The following TPD52L1 variants were observed in gnomAD, a reference collection of about 807,000 sequenced individuals.
TPD52L1 encodes the protein TPD52 like 1, also known as tumor protein D53.
TPD52L1 carries 18 observed loss-of-function variants against 28.7 expected under a neutral mutation model. The ratio of observed to expected loss-of-function variants is 0.63; its 90% CI spans 0.43 to 0.93. The LOEUF (loss-of-function observed/expected upper bound fraction) is 0.93. TPD52L1 is among the 40% of genes least tolerant of loss of function. TPD52L1 has a pLI of 0.00. For missense variants in TPD52L1, 203 were observed against 254.8 expected (o/e 0.80, Z 1.39); for synonymous variants, 75 against 88.8 (o/e 0.84, Z 0.88).
chr6:125,258,506 G>A (rs1797737602), intron 6 of TPD52L1, among the ~76,000 whole-genome samples: 1 of 152,112 alleles, frequency 6.6e-6, no homozygotes, highest in East Asian at 1.9e-4. Flanking sequence ...AGCCTTAGAC[G>A]ACCCAATGAG....
At chr6:125,182,021 C>A (rs375463827) in intron 1 of TPD52L1, among the ~76,000 whole-genome samples, 3 of 152,152 alleles carry the variant, frequency 2.0e-5, no homozygotes, top group Admixed American at 2.0e-4. Context: ...GGCTTCCCCT[C>A]GGATACCTCT....
chr6:125,196,766 G>A (rs1184190994), intron 1 of TPD52L1, among the ~76,000 whole-genome samples: 4 of 152,128 alleles, frequency 2.6e-5, no homozygotes, highest in African/African-American at 7.2e-5. Context: ...TGGTGTCTAC[G>A]GACTTATAAG....
chr6:125,228,925 C>A, intron 2 of TPD52L1, 193 bp from the exon 3 acceptor site: 2 of 412,604 alleles, frequency 4.8e-6, no homozygotes, highest in Non-Finnish European at 4.3e-6. Flanking sequence ...CTTCTATAAT[C>A]ATTAAAATGA....
At chr6:125,176,688 A>C (rs945095877) in intron 1 of TPD52L1, among the ~76,000 whole-genome samples, 4 of 152,234 alleles carry the variant, frequency 2.6e-5, no homozygotes, top group African/African-American at 9.6e-5. Context: ...TAGATGTTAA[A>C]ATTCCGATAA....
chr6:125,176,373 C>T (rs1453255197), intron 1 of TPD52L1, among the ~76,000 whole-genome samples: 1 of 152,152 alleles, frequency 6.6e-6, no homozygotes, highest in Non-Finnish European at 1.5e-5. Context: ...TCCCCAAGTC[C>T]TCACTTATAG....
intron 1 of TPD52L1, among the ~76,000 whole-genome samples, chr6:125,184,955 C>T (rs1027355629): frequency 5.0e-5 from 5 of 99,500 alleles, no homozygotes; most frequent in African/African-American, 2.0e-4. Context: ...TAAAAGCACA[C>T]ATGAGTTGCT....
chr6:125,263,599 A>T lies in TPD52L1; in HGVS notation c.*637A>T, dbSNP rs1187276287. ...CCAGGTGCGGCGGCTCACACCTGTAATCCCAACTATTTTGGATGCCAAGGT... is the reference window on the plus strand; with the variant it reads ...CCAGGTGCGGCGGCTCACACCTGTATTCCCAACTATTTTGGATGCCAAGGT... On this transcript the variant is annotated 3_prime_UTR_variant, in exon 7 of 7. Transcript: ENST00000534000. 6.5e-6 allele frequency: 1 copy of T among 152,738 alleles called. No individual in the cohort carries two copies. The highest frequency in any genetic ancestry group is 1.5e-5 in the Non-Finnish European group (1 of 68,078). 9.5% of individuals were successfully genotyped at this position (152,738 alleles called of 1,614,324 possible).
At chr6:125,172,479 T>G (rs1249286069) in intron 1 of TPD52L1, among the ~76,000 whole-genome samples, 2 of 93,972 alleles carry the variant, frequency 2.1e-5, no homozygotes, top group Non-Finnish European at 1.9e-5. Context: ...TGTGTGTGTG[T>G]TTTTTTTTTA....
intron 2 of TPD52L1, among the ~76,000 whole-genome samples, chr6:125,221,587 A>G (rs3823220): frequency 0.045 from 6,797 of 152,316 alleles, 172 homozygotes; most frequent in East Asian, 0.079. Context: ...ACATACATAC[A>G]TATACTAATA....
chr6:125,253,433 C>A, intron 4 of TPD52L1: 1 of 457,316 alleles, frequency 2.2e-6, no homozygotes, highest in Non-Finnish European at 3.9e-6. Flanking sequence ...CTGGGCTCAC[C>A]TGGGAGAAAC....
chr6:125,234,123 A>C (rs1796112771), intron 3 of TPD52L1, among the ~76,000 whole-genome samples: 1 of 152,254 alleles, frequency 6.6e-6, no homozygotes, highest in African/African-American at 2.4e-5. Flanking sequence ...GACTTAATGC[A>C]TATCAGGTGC....
intron 1 of TPD52L1, among the ~76,000 whole-genome samples, chr6:125,179,509 C>T (rs1025355123): frequency 2.0e-5 from 3 of 152,198 alleles, no homozygotes; most frequent in Non-Finnish European, 4.4e-5. Flanking sequence ...GTTTTCCTTA[C>T]TATTAATGGT....
At chr6:125,228,727 G>A (rs901375881) in intron 2 of TPD52L1, among the ~76,000 whole-genome samples, 2 of 151,994 alleles carry the variant, frequency 1.3e-5, no homozygotes, top group Non-Finnish European at 2.9e-5. Flanking sequence ...TAAAATAAGG[G>A]TACAGTAGAA....
At chr6:125,230,201 T>G (rs1795867568) in intron 3 of TPD52L1, among the ~76,000 whole-genome samples, 1 of 152,208 alleles carries the variant, frequency 6.6e-6, no homozygotes, top group South Asian at 2.1e-4. Flanking sequence ...ATTAGATTAT[T>G]CTTAAGTTGC....
intron 1 of TPD52L1, among the ~76,000 whole-genome samples, chr6:125,187,206 A>G (rs950211344): frequency 5.3e-5 from 8 of 152,198 alleles, no homozygotes; most frequent in African/African-American, 1.9e-4. Context: ...TCTTAACTAT[A>G]TAAGGAAATG....
intron 1 of TPD52L1, among the ~76,000 whole-genome samples, chr6:125,176,760 A>G (rs4896787): frequency 0.12 from 18,552 of 152,106 alleles, 1,286 homozygotes; most frequent in East Asian, 0.36. Context: ...TGGCAGCCTG[A>G]TGTGGTGACT....
chr6:125,226,399 A>T (rs1027736605), intron 2 of TPD52L1, among the ~76,000 whole-genome samples: 1 of 152,060 alleles, frequency 6.6e-6, no homozygotes, highest in Admixed American at 6.6e-5. Flanking sequence ...TAATGTTTCT[A>T]TCGCTTTTGG....
intron 3 of TPD52L1, among the ~76,000 whole-genome samples, chr6:125,246,082 T>C (rs1488857239): frequency 6.6e-6 from 1 of 152,178 alleles, no homozygotes. Flanking sequence ...TTATATACCT[T>C]CCCTGGGCTC....
At chr6:125,228,217 G>A (rs564916065) in intron 2 of TPD52L1, among the ~76,000 whole-genome samples, 24 of 152,210 alleles carry the variant, frequency 1.6e-4, no homozygotes, top group African/African-American at 5.5e-4. Context: ...TGGATTGGGG[G>A]AAAGGAAAGA....
Sources: gnomAD v4.1 joint callset for allele counts (sites outside exome capture counted in the v4.1 genomes callset) on GRCh38, gnomAD v4.1.1 for gene constraint, MANE v1.5 for transcripts, NCBI Gene and HGNC (gene_info 2026-07-23, HGNC 2026-07-21) for gene names.